The following CTNNA3 variants were observed in gnomAD, a reference collection of about 807,000 sequenced individuals.
CTNNA3 encodes the protein catenin alpha 3, also known as catenin alpha-3.
A neutral mutation model predicts 95.7 loss-of-function variants in CTNNA3; 76 were observed. The ratio of observed to expected loss-of-function variants is 0.79; its 90% CI spans 0.66 to 0.96. The LOEUF (loss-of-function observed/expected upper bound fraction) is 0.96. CTNNA3 is among the 40% of genes least tolerant of loss of function. CTNNA3 has a pLI of 0.00. For synonymous variants in CTNNA3, 431 were observed against 374.4 expected, an observed-to-expected ratio of 1.15 and a Z score of -1.74; for missense variants, 1,191 against 1,089.8, an observed-to-expected ratio of 1.09 and a Z score of -1.31.
chr10:66,625,105 A>T (rs746339636), intron 9 of CTNNA3, among the ~76,000 whole-genome samples: 8 of 152,214 alleles, frequency 5.3e-5, no homozygotes, highest in Non-Finnish European at 1.2e-4. Context: ...GTAATAATTT[A>T]AAAACAAACA....
At chr10:66,119,398 G>C (rs931103618) in intron 13 of CTNNA3, among the ~76,000 whole-genome samples, 1 of 152,138 alleles carries the variant, frequency 6.6e-6, no homozygotes, top group Non-Finnish European at 1.5e-5. Context: ...CCTACAAGCT[G>C]TTCCTATTAC....
intron 7 of CTNNA3, among the ~76,000 whole-genome samples, chr10:67,154,440 G>T (rs1861211206): frequency 2.0e-5 from 3 of 152,112 alleles, no homozygotes; most frequent in Admixed American, 2.0e-4. Flanking sequence ...ACCTATGTGA[G>T]GGCTGTATTT....
At chr10:67,622,908 C>T (rs1843893453) in intron 2 of CTNNA3, among the ~76,000 whole-genome samples, 2 of 152,160 alleles carry the variant, frequency 1.3e-5, no homozygotes, top group Admixed American at 6.5e-5. Flanking sequence ...CATCTTTATA[C>T]TTATTAAGCC....
At chr10:67,497,716 C>A (rs2133094020) in intron 5 of CTNNA3, among the ~76,000 whole-genome samples, 1 of 152,320 alleles carries the variant, frequency 6.6e-6, no homozygotes, top group South Asian at 2.1e-4. Context: ...TGTTTCTTGG[C>A]CGCATAAATG....
At chr10:67,313,835 C>T (rs571817829) in intron 5 of CTNNA3, among the ~76,000 whole-genome samples, 11 of 152,178 alleles carry the variant, frequency 7.2e-5, no homozygotes, top group Admixed American at 5.2e-4. Flanking sequence ...ACAACAAGGT[C>T]AAACAGCATA....
At chr10:66,097,532 T>G (rs1440640264) in intron 14 of CTNNA3, among the ~76,000 whole-genome samples, 2 of 152,160 alleles carry the variant, frequency 1.3e-5, no homozygotes, top group Non-Finnish European at 2.9e-5. Flanking sequence ...TGTAACTTTA[T>G]GAAGGTCATA....
At chr10:67,129,712 T>C (rs1859897512) in intron 7 of CTNNA3, among the ~76,000 whole-genome samples, 1 of 152,082 alleles carries the variant, frequency 6.6e-6, no homozygotes, top group Admixed American at 6.6e-5. Context: ...GAAAACACAA[T>C]AGAAACGAAA....
At chr10:67,455,522 G>A (rs1847141782) in intron 5 of CTNNA3, among the ~76,000 whole-genome samples, 1 of 152,026 alleles carries the variant, frequency 6.6e-6, no homozygotes, top group Admixed American at 6.6e-5. Context: ...ACCTTGCAGT[G>A]GAAAAACCTG....
At chr10:66,634,064 T>C (rs916442260) in intron 9 of CTNNA3, among the ~76,000 whole-genome samples, 4 of 152,146 alleles carry the variant, frequency 2.6e-5, no homozygotes, top group African/African-American at 9.6e-5. Flanking sequence ...AAAATGGCAA[T>C]TGTGATGATC....
intron 5 of CTNNA3, among the ~76,000 whole-genome samples, chr10:67,348,182 A>G (rs977887318): frequency 7.9e-5 from 12 of 152,322 alleles, no homozygotes; most frequent in African/African-American, 2.6e-4. Flanking sequence ...AAGACCTGAA[A>G]CTATAAAACT....
intron 9 of CTNNA3, among the ~76,000 whole-genome samples, chr10:66,691,811 C>A (rs574636944): frequency 6.6e-6 from 1 of 152,078 alleles, no homozygotes; most frequent in Non-Finnish European, 1.5e-5. Context: ...CACAAAAATC[C>A]GCTGTTCTGC....
intron 9 of CTNNA3, among the ~76,000 whole-genome samples, chr10:66,687,653 T>C (rs2132524053): frequency 6.6e-6 from 1 of 151,942 alleles, no homozygotes; most frequent in Middle Eastern, 3.4e-3. Flanking sequence ...TTCTTCTACC[T>C]TTTTTTCTCA....
At chr10:67,509,641 G>C (rs1324087991) in intron 5 of CTNNA3, among the ~76,000 whole-genome samples, 1 of 152,148 alleles carries the variant, frequency 6.6e-6, no homozygotes, top group East Asian at 1.9e-4. Flanking sequence ...GAATAGTGCT[G>C]CAATAAACAT....
chr10:66,961,901 G>C (rs78801677), intron 7 of CTNNA3, among the ~76,000 whole-genome samples: 1 of 152,110 alleles, frequency 6.6e-6, no homozygotes, highest in African/African-American at 2.4e-5. Context: ...AATGTTTGAA[G>C]TCATTCTTGA....
chr10:67,573,814 A>G (rs1285472612), intron 3 of CTNNA3, among the ~76,000 whole-genome samples: 1 of 151,352 alleles, frequency 6.6e-6, no homozygotes, highest in Non-Finnish European at 1.5e-5. Flanking sequence ...ATATTGTACT[A>G]TGTATCAAAT....
intron 7 of CTNNA3, among the ~76,000 whole-genome samples, chr10:67,130,792 G>A (rs1859960509): frequency 6.6e-6 from 1 of 152,058 alleles, no homozygotes; most frequent in African/African-American, 2.4e-5. Context: ...CAGAAGATGA[G>A]GACCTGGTAG....
intron 10 of CTNNA3, among the ~76,000 whole-genome samples, chr10:66,552,274 T>C (rs1360846585): frequency 6.6e-6 from 1 of 152,120 alleles, no homozygotes; most frequent in African/African-American, 2.4e-5. Flanking sequence ...CTTCTGGAGC[T>C]TTTCTTTTTG....
chr10:66,223,202 C>T (rs879384129), intron 13 of CTNNA3, among the ~76,000 whole-genome samples: 4 of 151,548 alleles, frequency 2.6e-5, no homozygotes, highest in South Asian at 2.1e-4. Context: ...TTAATATAGA[C>T]GAGGGAAAAT....
intron 7 of CTNNA3, among the ~76,000 whole-genome samples, chr10:67,180,053 C>T (rs188395256): frequency 5.9e-5 from 9 of 152,218 alleles, no homozygotes; most frequent in Admixed American, 6.5e-5. Flanking sequence ...AATCCTGATT[C>T]CCTTCTTCAA....
Sources: gnomAD v4.1 joint callset for allele counts (sites outside exome capture counted in the v4.1 genomes callset) on GRCh38, gnomAD v4.1.1 for gene constraint, MANE v1.5 for transcripts, NCBI Gene and HGNC (gene_info 2026-07-23, HGNC 2026-07-21) for gene names.